The following DCLK1 variants were observed in gnomAD, a reference collection of about 807,000 sequenced individuals.
DCLK1 encodes doublecortin like kinase 1, also known as serine/threonine-protein kinase DCLK1.
Under a neutral mutation model 86.2 loss-of-function variants are expected in DCLK1, and 16 were observed. The observed-to-expected ratio is 0.19, with a 90% confidence interval of 0.13 to 0.28. The LOEUF is 0.28. Among genes scored for constraint, DCLK1 ranks in the 10% least tolerant of loss-of-function variants. The pLI is 1.00. For missense variants in DCLK1, 590 were observed against 940.2 expected (o/e 0.63, Z 4.87); for synonymous variants, 369 against 370.5 (o/e 1.00, Z 0.05).
At chr13:35,946,296 G>GC (rs1217832486) in intron 4 of DCLK1, among the ~76,000 whole-genome samples, 70 of 152,304 alleles carry the variant, frequency 4.6e-4, no homozygotes, top group African/African-American at 1.5e-3. Context: ...GAGCCACCAT[G>GC]CCCATCCTCT....
At chr13:35,863,711 G>T (rs576816862) in intron 5 of DCLK1, among the ~76,000 whole-genome samples, 1 of 152,272 alleles carries the variant, frequency 6.6e-6, no homozygotes, top group East Asian at 1.9e-4. Flanking sequence ...TACACTAAAG[G>T]AAAAGACTGA....
At position 36,045,330 on chromosome 13, in the gene DCLK1, GTGTATATATATATATATA is replaced by G. The variant is rs1277567254; in HGVS notation, c.723+66521_723+66538del. Among the ~76,000 whole-genome samples the G allele has an allele frequency of 2.4e-3, 136 of 56,600 alleles. 1 individual carries two copies. The highest frequency in any genetic ancestry group is 0.023 in the South Asian group (32 of 1,366). The allele number at this position is 56,600 out of a possible 152,430, so 37.1% of individuals were successfully genotyped here. ...TATATGTCTATATATGTGTGTGTGT[GTGTATATATATATATATA>G]TATATATATATATATATATATATAT... On this transcript the variant is annotated intron_variant, in intron 3 of 16. Coordinates refer to ENST00000360631, the MANE Select transcript of DCLK1 (RefSeq NM_001330071.2).
At chr13:35,835,195 C>T (rs1648176743) in intron 8 of DCLK1, among the ~76,000 whole-genome samples, 1 of 152,094 alleles carries the variant, frequency 6.6e-6, no homozygotes, top group Admixed American at 6.5e-5. Context: ...GGCAGGGTGT[C>T]CAGCCCCACT....
chr13:35,878,025 T>C (rs1259667546), intron 4 of DCLK1, among the ~76,000 whole-genome samples: 2 of 152,094 alleles, frequency 1.3e-5, no homozygotes. Context: ...ACTCTCTCCT[T>C]AACTCAGGAA....
intron 16 of DCLK1, among the ~76,000 whole-genome samples, chr13:35,776,855 A>G (rs548411059): frequency 5.3e-5 from 8 of 151,762 alleles, no homozygotes; most frequent in Admixed American, 6.6e-5. Context: ...AATACTTCAC[A>G]CTCTTGGCTG....
At chr13:35,985,055 G>C (rs1879835881) in intron 3 of DCLK1, among the ~76,000 whole-genome samples, 1 of 152,130 alleles carries the variant, frequency 6.6e-6, no homozygotes, top group South Asian at 2.1e-4. Flanking sequence ...TACAGTGGCT[G>C]GTGCCTGTCA....
In DCLK1 at chr13:35,898,000, T is replaced by C. The variant is rs73518651; in HGVS notation, c.824-26660A>G. 3.2e-3 allele frequency among the ~76,000 whole-genome samples: 484 copies of C among 152,342 alleles called. 3 individuals are homozygous for C. The highest frequency in any genetic ancestry group is 0.011 in the African/African-American group (461 of 41,596). ...TATTAATATTGTAGGTCTTCAAACA[T>C]ATATGAAAACATTAAATTATCTGGA... On this transcript the variant is annotated intron_variant, in intron 4 of 16. Coordinates refer to ENST00000360631, the MANE Select transcript of DCLK1 (RefSeq NM_001330071.2).
chr13:36,019,524 C>T (rs1881680700), intron 3 of DCLK1, among the ~76,000 whole-genome samples: 1 of 152,176 alleles, frequency 6.6e-6, no homozygotes, highest in African/African-American at 2.4e-5. Context: ...TGTGTTTAAG[C>T]TTACATAATA....
chr13:36,130,161 C>A (rs935402112), intron 1 of DCLK1, among the ~76,000 whole-genome samples: 1 of 152,066 alleles, frequency 6.6e-6, no homozygotes, highest in Non-Finnish European at 1.5e-5. Flanking sequence ...CTCTATATGA[C>A]CTCTCTTAAA....
chr13:36,084,419 T>G (rs527510247), intron 3 of DCLK1, among the ~76,000 whole-genome samples: 1 of 152,270 alleles, frequency 6.6e-6, no homozygotes, highest in South Asian at 2.1e-4. Flanking sequence ...AAAACACTTA[T>G]GTATAATCTG....
At chr13:35,923,204 T>C (rs1470221710) in intron 4 of DCLK1, among the ~76,000 whole-genome samples, 1 of 151,944 alleles carries the variant, frequency 6.6e-6, no homozygotes. Flanking sequence ...AAATAAAGGA[T>C]TGTGACCAGA....
chr13:35,945,440 A>C (rs533344331), intron 4 of DCLK1, among the ~76,000 whole-genome samples: 50 of 152,208 alleles, frequency 3.3e-4, no homozygotes, highest in African/African-American at 1.2e-3. Flanking sequence ...AGGGGCCCCA[A>C]GTCCATCTGG....
At chr13:35,781,168 G>GT (rs112065795) in intron 16 of DCLK1, among the ~76,000 whole-genome samples, 11,756 of 152,264 alleles carry the variant, frequency 0.077, 985 homozygotes, top group African/African-American at 0.2. Flanking sequence ...ATTAGCTTAG[G>GT]TTTTGCCGGT....
intron 3 of DCLK1, among the ~76,000 whole-genome samples, chr13:35,958,250 C>T (rs1457697538): frequency 9.2e-5 from 10 of 108,284 alleles, no homozygotes; most frequent in African/African-American, 5.4e-4. Context: ...TCACCACCAC[C>T]ACTACCACTA....
chr13:36,099,658 C>T (rs1190319476), intron 3 of DCLK1, among the ~76,000 whole-genome samples: 2 of 152,176 alleles, frequency 1.3e-5, no homozygotes, highest in African/African-American at 4.8e-5. Flanking sequence ...ACATTTTAAA[C>T]ATTAAAAGAC....
intron 3 of DCLK1, among the ~76,000 whole-genome samples, chr13:35,958,845 T>C (rs1279626635): frequency 6.6e-6 from 1 of 152,238 alleles, no homozygotes; most frequent in African/African-American, 2.4e-5. Flanking sequence ...AGAAAGATGC[T>C]TGTTCTTCCA....
At chr13:35,831,445 C>T (rs1868953346) in intron 8 of DCLK1, among the ~76,000 whole-genome samples, 1 of 152,134 alleles carries the variant, frequency 6.6e-6, no homozygotes, top group Non-Finnish European at 1.5e-5. Flanking sequence ...AAACACTTGG[C>T]AAGAAATCGA....
chr13:36,086,584 C>T (rs1884612878), intron 3 of DCLK1, among the ~76,000 whole-genome samples: 1 of 151,838 alleles, frequency 6.6e-6, no homozygotes. Context: ...TTAAGCCCCA[C>T]ATGCATTAGG....
chr13:35,909,244 T>C (rs1233386558), intron 4 of DCLK1, among the ~76,000 whole-genome samples: 1 of 152,238 alleles, frequency 6.6e-6, no homozygotes, highest in Non-Finnish European at 1.5e-5. Context: ...TACTCACATG[T>C]GTGAGTGCTC....
Sources: allele counts gnomAD v4.1 joint callset (sites outside exome capture counted in the v4.1 genomes callset), GRCh38; gene constraint gnomAD v4.1.1; transcripts MANE v1.5; gene names NCBI Gene and HGNC (gene_info 2026-07-23, HGNC 2026-07-21).